PUM1: variants seen among roughly 807,000 people sequenced by gnomAD.
PUM1 encodes pumilio homolog 1.
In PUM1, 13 loss-of-function variants were observed where a neutral mutation model predicts 131.8. That is an observed-to-expected ratio of 0.10 (90% confidence interval 0.06 to 0.16). The LOEUF (loss-of-function observed/expected upper bound fraction) is 0.16. Ranked by LOEUF, PUM1 falls within the 10% of genes least tolerant of loss-of-function variation. The pLI is 1.00. For synonymous variants in PUM1, 509 were observed against 556.5 expected (o/e 0.91, Z 1.20); for missense variants, 961 against 1,512.4 (o/e 0.64, Z 6.05).
intron 2 of PUM1, among the ~76,000 whole-genome samples, chr1:31,038,739 T>C (rs1305410940): frequency 6.6e-6 from 1 of 151,862 alleles, no homozygotes; most frequent in African/African-American, 2.4e-5. Flanking sequence ...TGACAATATG[T>C]AATATGGGTT....
chr1:30,956,498 A>C (rs1640171934), intron 14 of PUM1, among the ~76,000 whole-genome samples: 1 of 152,114 alleles, frequency 6.6e-6, no homozygotes, highest in Non-Finnish European at 1.5e-5. Flanking sequence ...TCCTGACCTC[A>C]TGTGATCCGC....
intron 2 of PUM1, among the ~76,000 whole-genome samples, chr1:31,053,039 G>C (rs1399280884): frequency 7.0e-6 from 1 of 142,256 alleles, no homozygotes; most frequent in African/African-American, 2.6e-5. Flanking sequence ...TTGAGACAGA[G>C]TCTCCCTCTG....
At chr1:31,057,449 G>T (rs1300872937) in intron 2 of PUM1, among the ~76,000 whole-genome samples, 1 of 149,980 alleles carries the variant, frequency 6.7e-6, no homozygotes, top group South Asian at 2.1e-4. Flanking sequence ...AAAGGGCTGG[G>T]CATGGTGGCT....
intron 2 of PUM1, among the ~76,000 whole-genome samples, chr1:31,033,120 C>A (rs1373977009): frequency 6.6e-6 from 1 of 151,542 alleles, no homozygotes; most frequent in African/African-American, 2.4e-5. Flanking sequence ...AGGTGGAAAT[C>A]TAAATACAGG....
At chr1:30,933,966 G>A (rs1243704421) in intron 21 of PUM1, among the ~76,000 whole-genome samples, 2 of 152,188 alleles carry the variant, frequency 1.3e-5, no homozygotes, top group Non-Finnish European at 2.9e-5. Context: ...AGGTTGAATG[G>A]CTAACAAAGG....
chr1:30,947,275 C>G (rs1639716542), intron 17 of PUM1, among the ~76,000 whole-genome samples: 1 of 152,180 alleles, frequency 6.6e-6, no homozygotes, highest in Non-Finnish European at 1.5e-5. Context: ...ATAAAAGAAA[C>G]TGAGACAGAG....
rs148115907 is a variant in PUM1, at chr1:30,982,827, T to C, written c.1159-1422A>G. Among the ~76,000 whole-genome samples the C allele has an allele frequency of 1.6e-4, 25 of 152,326 alleles. No homozygotes were observed. In the East Asian group the frequency reaches 4.6e-3, roughly 28 times the overall value. ...ACAAAAAGTGAATACTTTGAAGATA[T>C]TGGCCAATTTCACCTGTTAACTCTT... On this transcript the variant is annotated intron_variant, in intron 7 of 21. Coordinates refer to ENST00000426105, the MANE Select transcript of PUM1 (RefSeq NM_001020658.2).
intron 5 of PUM1, among the ~76,000 whole-genome samples, chr1:30,996,161 G>A (rs1641972991): frequency 6.6e-6 from 1 of 152,134 alleles, no homozygotes. Flanking sequence ...AAGGGTTAAG[G>A]GTTTAACCCT....
Position 30,950,225 on chromosome 1 carries a change from G to A in PUM1, c.2758C>T (p.Arg920Trp), listed in dbSNP as rs1447563510. The A allele has an allele frequency of 3.7e-6, 6 of 1,613,882 alleles. No individual in the cohort carries two copies. Among genetic ancestry groups the A allele is most frequent in the Admixed American group, 1.7e-5 (1 of 59,996 alleles). ...AATGACAGGACGTGGCCTCGAATCC[G>A]TTCTGCCAAAGCCAGCTTCTGTTCA... ...SLEQKLALAE[R>W]IRGHVLSLAL... Residue 920 changes from arginine (R) to tryptophan (W), a missense_variant, in exon 17 of 22, where the codon CGG becomes TGG. Physicochemically the swap from Arg to Trp is moderately radical, Grantham distance 101. Transcript: ENST00000426105.
rs1172868321 is a variant in PUM1, at chr1:30,931,895, A to G, written c.*1316T>C. 6.6e-6 allele frequency: 1 copy of G among 152,606 alleles called. No homozygotes were observed. Among genetic ancestry groups the G allele is most frequent in the Non-Finnish European group, 1.5e-5 (1 of 68,040 alleles). The allele number at this position is 152,606 out of a possible 1,614,324, so 9.5% of individuals were successfully genotyped here. A position where few individuals can be genotyped will look rare whatever the true frequency, so the allele number is the denominator to read the frequency against. On this transcript the variant is annotated 3_prime_UTR_variant, in exon 22 of 22. Coordinates refer to ENST00000426105, the MANE Select transcript of PUM1 (RefSeq NM_001020658.2). ...TTTTGCACGTCCTTTTGACTGTCAC[A>G]AAATCAAAACATTACTTTTTTAGGA...
intron 3 of PUM1, among the ~76,000 whole-genome samples, chr1:31,018,685 TA>T (rs1246680751): frequency 6.6e-6 from 1 of 151,968 alleles, no homozygotes; most frequent in Non-Finnish European, 1.5e-5. Context: ...TAAAACAAAA[TA>T]AAAGCTATAA....
chr1:31,041,514 G>GTGAAA lies in PUM1; in HGVS notation c.364-12651_364-12650insTTTCA, dbSNP rs946335178. Among the ~76,000 whole-genome samples the GTGAAA allele has an allele frequency of 5.3e-5, 8 of 152,246 alleles. No homozygotes were observed. The East Asian group carries it at 1.5e-3, about 29-fold the overall frequency. On this transcript the variant is annotated intron_variant, in intron 2 of 21. Coordinates refer to ENST00000426105, the MANE Select transcript of PUM1 (RefSeq NM_001020658.2). ...TGAAATGTGACTTCTAAGGTTGGAG[G>GTGAAA]TGAACCTAGTGTGTAGTGTCTGGGT...
At chr1:30,955,096 AAAACAAAAAC>A (rs1042832937) in intron 14 of PUM1, among the ~76,000 whole-genome samples, 1 of 151,888 alleles carries the variant, frequency 6.6e-6, no homozygotes, top group Non-Finnish European at 1.5e-5. Flanking sequence ...CAAACAAAAA[AAAACAAAAAC>A]AAACAAACAG....
chr1:31,038,982 A>ATTT (rs1172043445), intron 2 of PUM1, among the ~76,000 whole-genome samples: 3 of 27,978 alleles, frequency 1.1e-4, no homozygotes, highest in African/African-American at 6.7e-4. Context: ...ATATATATAT[A>ATTT]TATTTTTTTT....
chr1:30,973,336 T>C (rs949621489), intron 10 of PUM1, among the ~76,000 whole-genome samples: 41 of 152,132 alleles, frequency 2.7e-4, no homozygotes, highest in Non-Finnish European at 4.4e-5. Flanking sequence ...ATTTAATATA[T>C]TCATATATGA....
chr1:30,942,135 CA>C lies in PUM1; in HGVS notation c.2995-13del. On this transcript the variant is annotated splice_polypyrimidine_tract_variant and intron_variant, in intron 18 of 21. Coordinates refer to ENST00000426105, the MANE Select transcript of PUM1 (RefSeq NM_001020658.2). ...GATAAGGCAAATACCTAAGGGTAGA[CA>C]AACACAAATGAGAAGCAAAAATGAC... 6.7e-7 allele frequency: 1 copy of C among 1,495,526 alleles called. No individual in the cohort carries two copies. Among genetic ancestry groups the C allele is most frequent in the Non-Finnish European group, 9.0e-7 (1 of 1,110,378 alleles). 92.6% of individuals were successfully genotyped at this position (1,495,526 alleles called of 1,614,324 possible).
intron 13 of PUM1, among the ~76,000 whole-genome samples, chr1:30,965,696 T>C (rs190685796): frequency 3.6e-4 from 55 of 152,354 alleles, no homozygotes; most frequent in African/African-American, 1.2e-3. Context: ...TATCAATTTC[T>C]ACAGTTCCCT....
chr1:30,945,532 T>A, intron 17 of PUM1, 49 bp from the exon 18 acceptor site: 1 of 1,601,206 alleles, frequency 6.2e-7, no homozygotes, highest in Non-Finnish European at 8.5e-7. Context: ...AGCAAACATG[T>A]GGACAAATAA....
chr1:30,939,394 C>CCG (rs1219266304), intron 20 of PUM1, among the ~76,000 whole-genome samples: 2 of 152,222 alleles, frequency 1.3e-5, no homozygotes, highest in African/African-American at 4.8e-5. Context: ...ACTGGGCCCC[C>CCG]CCGAACCCCT....
Sources: allele counts gnomAD v4.1 joint callset (sites outside exome capture counted in the v4.1 genomes callset), GRCh38; gene constraint gnomAD v4.1.1; transcripts MANE v1.5; gene names NCBI Gene and HGNC (gene_info 2026-07-23, HGNC 2026-07-21).